The following SVOPL variants were observed in gnomAD, a reference collection of about 807,000 sequenced individuals.
The protein encoded by SVOPL is SVOP like.
A neutral mutation model predicts 61.0 loss-of-function variants in SVOPL; 60 were observed. The ratio of observed to expected loss-of-function variants is 0.98; its 90% CI spans 0.80 to 1.22. The LOEUF (loss-of-function observed/expected upper bound fraction) is 1.22, where lower values mean the gene tolerates loss of function less well. Among genes scored for constraint, SVOPL ranks in the 50% most tolerant of loss-of-function variants. SVOPL has a pLI of 0.00. For synonymous variants in SVOPL, 279 were observed against 250.0 expected (o/e 1.12, Z -1.09); for missense variants, 662 against 643.9 (o/e 1.03, Z -0.30).
At position 138,662,813 on chromosome 7, in the gene SVOPL, TAG is replaced by T. The variant is rs112057621; in HGVS notation, c.345+259_345+260del. 21,247 of 1,284,972 alleles carry T rather than the reference TAG, an allele frequency of 0.017. 1,281 individuals are homozygous for T. The East Asian group carries it at 0.23, about 14-fold the overall frequency. 79.6% of individuals were successfully genotyped at this position (1,284,972 alleles called of 1,614,324 possible). On this transcript the variant is annotated intron_variant, in intron 5 of 15. Coordinates refer to ENST00000674285, the MANE Select transcript of SVOPL (RefSeq NM_001139456.2). ...CCTTCCTTCCTTTAATCCTTCTGGG[TAG>T]AGATTTCTTAGAACTCTATAATACC...
At chr7:138,663,525 C>T (rs1802101283) in intron 4 of SVOPL, 1 of 1,012,762 alleles carries the variant, frequency 9.9e-7, no homozygotes, top group Non-Finnish European at 1.2e-6. Flanking sequence ...GAAGCAGTCT[C>T]CCTTTATGTT....
chr7:138,633,619 T>C (rs1280634348), intron 9 of SVOPL, among the ~76,000 whole-genome samples: 19 of 152,066 alleles, frequency 1.2e-4, no homozygotes, highest in Non-Finnish European at 2.9e-5. Context: ...AGGTATTCCT[T>C]TATAGCAATG....
Position 138,608,537 on chromosome 7 carries a change from G to A in SVOPL, c.1354-12007C>T, listed in dbSNP as rs528602732. On this transcript the variant is annotated intron_variant, in intron 14 of 15. Coordinates refer to ENST00000674285, the MANE Select transcript of SVOPL (RefSeq NM_001139456.2). ...AGCTGTTTCCGGCATTGGACCTCAC[G>A]CCTCAACAGACGCCCACGGCCTGGA... Among the ~76,000 whole-genome samples, 4 of 152,264 alleles carry A rather than the reference G, an allele frequency of 2.6e-5. No individual in the cohort carries two copies. In the East Asian group the frequency reaches 7.7e-4, roughly 29 times the overall value.
In SVOPL at chr7:138,622,002, CTATG is replaced by C. The variant is rs1563095878; in HGVS notation, c.1264-871_1264-868del. Among the ~76,000 whole-genome samples, 59 of 41,332 alleles carry C rather than the reference CTATG, an allele frequency of 1.4e-3. 2 individuals are homozygous for C. The highest frequency in any genetic ancestry group is 4.5e-3 in the African/African-American group (47 of 10,384). The allele number at this position is 41,332 out of a possible 152,430, so 27.1% of individuals were successfully genotyped here. ...TCTATCTATCTATGTATCTATCTAT[CTATG>C]TATCTATCTATGTATCTATCTATCT... On this transcript the variant is annotated intron_variant, in intron 13 of 15. Coordinates refer to ENST00000674285, the MANE Select transcript of SVOPL (RefSeq NM_001139456.2).
At position 138,622,939 on chromosome 7, in the gene SVOPL, G is replaced by C. The variant is rs556247143; in HGVS notation, c.1264-1804C>G. Among the ~76,000 whole-genome samples, 12 of 152,286 alleles carry C rather than the reference G, an allele frequency of 7.9e-5. No homozygotes were observed. In the East Asian group the frequency reaches 2.1e-3, roughly 27 times the overall value. ...GAAAGAATGGTTTCTCAAAATGTTG[G>C]AACATTTTCTTAGTGCTATAAAATA... On this transcript the variant is annotated intron_variant, in intron 13 of 15. Transcript: ENST00000674285.
chr7:138,681,170 A>G (rs10259068), intron 1 of SVOPL, among the ~76,000 whole-genome samples: 77,296 of 148,000 alleles, frequency 0.52, 22,046 homozygotes, highest in African/African-American at 0.76. Flanking sequence ...ATTATATAAC[A>G]TATAATATTA....
At chr7:138,646,119 GT>G (rs1021228540) in intron 8 of SVOPL, 1 of 195,668 alleles carries the variant, frequency 5.1e-6, no homozygotes, top group Non-Finnish European at 1.1e-5. Flanking sequence ...CGGCTGGCTT[GT>G]TTTTCTGATC....
intron 5 of SVOPL, chr7:138,660,705 A>G (rs1329828847): frequency 3.0e-6 from 3 of 985,314 alleles, no homozygotes; most frequent in African/African-American, 3.5e-5. Flanking sequence ...TCTGGAAGAC[A>G]AATGTTCAGG....
In SVOPL at chr7:138,655,189, C is replaced by CA. The variant is rs539320798; in HGVS notation, c.534+1258dup. ...TGGGTGACAGAGCAAGACCCTGTCT[C>CA]AAAAAAAAGAAAAGAAAAGAAAAAT... On this transcript the variant is annotated intron_variant, in intron 7 of 15. Transcript: ENST00000674285. Among the ~76,000 whole-genome samples, 135 of 149,772 alleles carry CA rather than the reference C, an allele frequency of 9.0e-4. 1 individual carries two copies. Among genetic ancestry groups the CA allele is most frequent in the African/African-American group, 3.0e-3 (121 of 40,758 alleles).
chr7:138,649,143 A>T lies in SVOPL; in HGVS notation c.535-6T>A, dbSNP rs776311917. ...GAGCCCGCAAGCCAGAACACCTAGG[A>T]AGAGAGAAGTCCAGGATTAAAGTTC... On this transcript the variant is annotated splice_polypyrimidine_tract_variant and splice_region_variant and intron_variant, in intron 7 of 15. Transcript: ENST00000674285. 2 of 1,607,698 alleles carry T rather than the reference A, an allele frequency of 1.2e-6. No individual in the cohort carries two copies. Among genetic ancestry groups the T allele is most frequent in the Non-Finnish European group, 1.7e-6 (2 of 1,177,592 alleles).
intron 14 of SVOPL, among the ~76,000 whole-genome samples, chr7:138,620,042 G>T (rs1038280211): frequency 6.6e-6 from 1 of 151,730 alleles, no homozygotes; most frequent in Non-Finnish European, 1.5e-5. Flanking sequence ...GACTGGGCTC[G>T]GCCTCATTCC....
Position 138,630,196 on chromosome 7 carries a change from T to C in SVOPL, c.790-74A>G, listed in dbSNP as rs1250900181. The C allele has an allele frequency of 1.0e-5, 13 of 1,267,016 alleles. No individual in the cohort carries two copies. The Admixed American group carries it at 1.0e-4, about 10-fold the overall frequency. 78.5% of individuals were successfully genotyped at this position (1,267,016 alleles called of 1,614,324 possible). On this transcript the variant is annotated intron_variant, in intron 9 of 15. Transcript: ENST00000674285. ...ACGGAGATGTTTCCACTGTTTTCGA[T>C]CATAGAAGATGAGAATCATATTGGA...
At chr7:138,602,982 C>T (rs1798594834) in intron 14 of SVOPL, among the ~76,000 whole-genome samples, 1 of 152,032 alleles carries the variant, frequency 6.6e-6, no homozygotes. Flanking sequence ...ATGGAAGTAA[C>T]TCTATCTACA....
At chr7:138,622,497 G>T (rs952678926) in intron 13 of SVOPL, among the ~76,000 whole-genome samples, 3 of 151,810 alleles carry the variant, frequency 2.0e-5, no homozygotes, top group Non-Finnish European at 2.9e-5. Flanking sequence ...GGCGGGCGGG[G>T]GGTCTCTCCA....
intron 1 of SVOPL, among the ~76,000 whole-genome samples, chr7:138,685,476 A>C (rs1161712097): frequency 6.6e-6 from 1 of 152,174 alleles, no homozygotes; most frequent in Non-Finnish European, 1.5e-5. Context: ...AAAGGCACAA[A>C]ATTTTGGCTA....
chr7:138,656,561 A>T (rs374281665), intron 6 of SVOPL, 50 bp from the exon 7 acceptor site: 38 of 1,585,016 alleles, frequency 2.4e-5, no homozygotes, highest in African/African-American at 2.2e-4. Context: ...AAACTAAATC[A>T]TCTTTTAAAA....
chr7:138,676,270 G>C (rs113379411), intron 3 of SVOPL, among the ~76,000 whole-genome samples: 2,169 of 152,282 alleles, frequency 0.014, 57 homozygotes, highest in African/African-American at 0.05. Flanking sequence ...AATAGCGTAG[G>C]GTGTTTGTCT....
intron 15 of SVOPL, 149 bp downstream of exon 15, chr7:138,596,268 G>T: frequency 1.7e-6 from 1 of 581,618 alleles, no homozygotes; most frequent in Non-Finnish European, 2.9e-6. Context: ...GAAAAACAAA[G>T]TCCTTGTTAT....
intron 5 of SVOPL, chr7:138,661,294 C>T: frequency 1.0e-6 from 1 of 985,368 alleles, no homozygotes; most frequent in Non-Finnish European, 1.2e-6. Flanking sequence ...TAGCTAGTTT[C>T]AAAGCTATAC....
Sources: allele counts gnomAD v4.1 joint callset (sites outside exome capture counted in the v4.1 genomes callset), GRCh38; gene constraint gnomAD v4.1.1; transcripts MANE v1.5; gene names NCBI Gene and HGNC (gene_info 2026-07-23, HGNC 2026-07-21).